Variants in DMRT3 observed in about 807,000 individuals in gnomAD.
The protein encoded by DMRT3 is doublesex- and mab-3-related transcription factor 3.
In DMRT3, 29 loss-of-function variants were observed where a neutral mutation model predicts 34.9. The ratio of observed to expected loss-of-function variants is 0.83; its 90% CI spans 0.62 to 1.13. The LOEUF is 1.13. DMRT3 is among the 50% of genes most tolerant of loss of function. The pLI, the probability that DMRT3 is intolerant of heterozygous loss-of-function variation, is 0.00. For missense variants in DMRT3, 772 were observed against 629.1 expected, an observed-to-expected ratio of 1.23 and a Z score of -2.43; for synonymous variants, 350 against 286.0, an observed-to-expected ratio of 1.22 and a Z score of -2.26.
chr9:977,099 G>T lies in DMRT3; in HGVS notation c.98G>T (p.Arg33Leu). The T allele has an allele frequency of 1.2e-6, 2 of 1,605,868 alleles. No homozygotes were observed. The highest frequency in any genetic ancestry group is 1.7e-6 in the Non-Finnish European group (2 of 1,176,762). The change falls in exon 1 of 2, where the codon CGC becomes CTC. Residue 33 changes from arginine to leucine, a missense_variant. Transcript: ENST00000190165. The stretch of plus-strand genomic sequence containing the variant: ...CGCACGCCCAAGTGCGCGCGCTGCC[G>T]CAACCATGGCGTCCTGTCCTGGCTC... ...LQRTPKCARC[R>L]NHGVLSWLKG...
chr9:979,565 G>A (rs930724318), intron 1 of DMRT3, among the ~76,000 whole-genome samples: 20 of 152,078 alleles, frequency 1.3e-4, no homozygotes, highest in African/African-American at 4.6e-4. Context: ...CACAACTTTT[G>A]TTTTCTTCTT....
intron 1 of DMRT3, among the ~76,000 whole-genome samples, chr9:987,750 C>G (rs16926998): frequency 0.28 from 42,280 of 151,844 alleles, 6,527 homozygotes; most frequent in African/African-American, 0.38. Context: ...CTGATAATTA[C>G]GCTAAAATTA....
Position 976,888 on chromosome 9 carries a change from C to A in DMRT3, c.-114C>A, listed in dbSNP as rs1349069597. 5 of 1,196,112 alleles carry A rather than the reference C, an allele frequency of 4.2e-6. No homozygotes were observed. Among genetic ancestry groups the A allele is most frequent in the Admixed American group, 7.5e-5 (2 of 26,588 alleles). The allele number at this position is 1,196,112 out of a possible 1,614,324, so 74.1% of individuals were successfully genotyped here. A position where few individuals can be genotyped will look rare whatever the true frequency, so the allele number is the denominator to read the frequency against. On this transcript the variant is annotated 5_prime_UTR_variant, in exon 1 of 2. Transcript: ENST00000190165. The surrounding 1 kb of genome is among the most constrained non-coding windows in gnomAD (Gnocchi z 4.5). ...ACACACGACCACCGGGGCTGCGGGACCAAGGGCCGCGTCGCCCGGAGGCCG... is the reference window on the plus strand; with the variant it reads ...ACACACGACCACCGGGGCTGCGGGAACAAGGGCCGCGTCGCCCGGAGGCCG...
At chr9:977,517 G>A in intron 1 of DMRT3, 62 bp downstream of exon 1, 1 of 1,219,026 alleles carries the variant, frequency 8.2e-7, no homozygotes, top group Non-Finnish European at 1.0e-6. Flanking sequence ...AGTGCCAGCT[G>A]CAGCTCCACT....
chr9:978,025 G>C (rs1021729570), intron 1 of DMRT3, among the ~76,000 whole-genome samples: 7 of 152,212 alleles, frequency 4.6e-5, no homozygotes, highest in African/African-American at 1.7e-4. Flanking sequence ...GGCCTTTCTA[G>C]CTTTGCTCCG....
At chr9:978,668 G>C (rs1414743891) in intron 1 of DMRT3, among the ~76,000 whole-genome samples, 1 of 152,198 alleles carries the variant, frequency 6.6e-6, no homozygotes, top group East Asian at 1.9e-4. Flanking sequence ...TGAGTCAACG[G>C]GTGACTGGCA....
At chr9:987,671 C>G (rs180935916) in intron 1 of DMRT3, among the ~76,000 whole-genome samples, 5 of 152,230 alleles carry the variant, frequency 3.3e-5, no homozygotes, top group Admixed American at 6.5e-5. Flanking sequence ...GTGGGTCTTA[C>G]ACTTCTTGGT....
intron 1 of DMRT3, among the ~76,000 whole-genome samples, chr9:989,262 A>G (rs555021204): frequency 5.9e-5 from 9 of 152,310 alleles, no homozygotes; most frequent in African/African-American, 2.2e-4. Context: ...TGTTTCATTG[A>G]TGGATAATAA....
At position 977,165 on chromosome 9, in the gene DMRT3, G is replaced by A. The variant is rs1331714776; in HGVS notation, c.164G>A (p.Cys55Tyr). Reference protein sequence around the residue: ...KRYCRFKDCTCEKCILIIERQ... With the variant: ...KRYCRFKDCTYEKCILIIERQ... The stretch of plus-strand genomic sequence containing the variant: ...TACTGCCGCTTCAAGGACTGCACCT[G>A]CGAGAAGTGCATCCTCATCATCGAG... The change falls in exon 1 of 2, where the codon TGC (cysteine) becomes TAC (tyrosine). Residue 55 changes from cysteine to tyrosine, a missense_variant. Transcript: ENST00000190165. 1 of 1,611,624 alleles carries A rather than the reference G, an allele frequency of 6.2e-7. No homozygotes were observed. The highest frequency in any genetic ancestry group is 1.7e-5 in the Admixed American group (1 of 59,856).
rs1284101399 is a variant in DMRT3 at position 976,933 on chromosome 9, G to A, written c.-69G>A. ...AGGCCGCCCCTGAGCGGGCCTCGCA[G>A]CCCCGCCGTCCAGCGCTCCCTGGCC... is the stretch of plus-strand genomic sequence containing the variant. On this transcript the variant is annotated 5_prime_UTR_variant, in exon 1 of 2. Coordinates refer to ENST00000190165, the MANE Select transcript of DMRT3 (RefSeq NM_021240.4). This position sits in a 1 kb window ranked among gnomAD's most constrained non-coding sequence, Gnocchi z 4.5. 3 of 1,375,028 alleles carry A rather than the reference G, an allele frequency of 2.2e-6. No homozygotes were observed. The highest frequency in any genetic ancestry group is 2.8e-6 in the Non-Finnish European group (3 of 1,061,410). The allele number at this position is 1,375,028 out of a possible 1,614,324, so 85.2% of individuals were successfully genotyped here.
In DMRT3 at chr9:990,416, A is replaced by G. The variant is rs756952496; in HGVS notation, c.830A>G (p.Asp277Gly). The part of the protein sequence containing the change: ...LELILKGCGG[D>G]LVSAVEVLLS... ...CTCATCCTCAAGGGCTGTGGCGGGG[A>G]CCTGGTGAGCGCCGTGGAAGTCCTT... Residue 277 changes from aspartate (D) to glycine (G), a missense_variant, in exon 2 of 2, where the codon GAC (aspartate) becomes GGC (glycine). Asp to Gly is a moderately conservative substitution (Grantham distance 94). Transcript: ENST00000190165. The G allele has an allele frequency of 6.2e-7, 1 of 1,613,904 alleles. No individual in the cohort carries two copies. Among genetic ancestry groups the G allele is most frequent in the Non-Finnish European group, 8.5e-7 (1 of 1,179,974 alleles).
chr9:984,705 C>T (rs1233168927), intron 1 of DMRT3, among the ~76,000 whole-genome samples: 1 of 152,164 alleles, frequency 6.6e-6, no homozygotes, highest in African/African-American at 2.4e-5. Flanking sequence ...GATCCACCTG[C>T]CTCGGCCTCC....
In DMRT3 at chr9:990,426, C is replaced by T. The variant is rs377285610; in HGVS notation, c.840C>T (p.Ser280=). Residue 280 remains serine, a synonymous_variant, in exon 2 of 2, where the codon AGC becomes AGT. Coordinates refer to ENST00000190165, the MANE Select transcript of DMRT3 (RefSeq NM_021240.4). The stretch of plus-strand genomic sequence containing the variant: ...AGGGCTGTGGCGGGGACCTGGTGAG[C>T]GCCGTGGAAGTCCTTCTGTCCAGCC... ...ILKGCGGDLV[S]AVEVLLSSRS... is the part of the protein sequence containing the mutation. 2.2e-5 allele frequency: 35 copies of T among 1,613,938 alleles called. No individual in the cohort carries two copies. Among genetic ancestry groups the T allele is most frequent in the African/African-American group, 1.3e-4 (10 of 74,896 alleles).
chr9:978,577 G>A (rs1157655677), intron 1 of DMRT3, among the ~76,000 whole-genome samples: 4 of 152,236 alleles, frequency 2.6e-5, no homozygotes, highest in Admixed American at 2.6e-4. Flanking sequence ...TAGCTTCGGA[G>A]AAAGGCTTTC....
At position 977,473 on chromosome 9, in the gene DMRT3, G is replaced by T; in HGVS notation, c.454+18G>T. On this transcript the variant is annotated intron_variant, in intron 1 of 1. Coordinates refer to ENST00000190165, the MANE Select transcript of DMRT3 (RefSeq NM_021240.4). ...CAAGCCAGGTAAGAGCGTCTGAGGT[G>T]CGGGAGTTTGGCCGGGCGCGGGGGC... 1.6e-6 allele frequency: 2 copies of T among 1,277,932 alleles called. No homozygotes were observed. The highest frequency in any genetic ancestry group is 2.0e-6 in the Non-Finnish European group (2 of 1,011,516). 79.2% of individuals were successfully genotyped at this position (1,277,932 alleles called of 1,614,324 possible).
rs766173429 is a variant in DMRT3 at position 976,994 on chromosome 9, C to G, written c.-8C>G. ...GCCAGGCTGCCAACTCATTCGGGAG[C>G]CCGGGGCATGAACGGCTACGGCTCC... is the stretch of plus-strand genomic sequence containing the variant. On this transcript the variant is annotated 5_prime_UTR_variant, in exon 1 of 2. Transcript: ENST00000190165. This position sits in a 1 kb window ranked among gnomAD's most constrained non-coding sequence, Gnocchi z 4.5. 5 of 1,481,068 alleles carry G rather than the reference C, an allele frequency of 3.4e-6. No homozygotes were observed. Among genetic ancestry groups the G allele is most frequent in the East Asian group, 2.6e-5 (1 of 39,122 alleles). 91.7% of individuals were successfully genotyped at this position (1,481,068 alleles called of 1,614,324 possible).
intron 1 of DMRT3, among the ~76,000 whole-genome samples, chr9:983,669 A>G (rs1820248700): frequency 6.6e-6 from 1 of 152,204 alleles, no homozygotes; most frequent in Non-Finnish European, 1.5e-5. Flanking sequence ...AAACATGTAG[A>G]TTTGTAGGTA....
At position 991,245 on chromosome 9, in the gene DMRT3, A is replaced by G. The variant is rs577525761; in HGVS notation, c.*240A>G. ...GAATGTTTATTGTAAAAGAGAGTCT[A>G]ATGTTAAGAATAGTCTTGGGAAGGC... On this transcript the variant is annotated 3_prime_UTR_variant, in exon 2 of 2. Coordinates refer to ENST00000190165, the MANE Select transcript of DMRT3 (RefSeq NM_021240.4). The G allele has an allele frequency of 3.7e-5, 16 of 432,140 alleles. No individual in the cohort carries two copies. Among genetic ancestry groups the G allele is most frequent in the African/African-American group, 3.2e-4 (16 of 50,146 alleles). 26.8% of individuals were successfully genotyped at this position (432,140 alleles called of 1,614,324 possible). A position where few individuals can be genotyped will look rare whatever the true frequency, so the allele number is the denominator to read the frequency against.
In DMRT3 at chr9:977,306, ACGCCGTCGCCGCCC is replaced by A; in HGVS notation, c.309_322del (p.Val104AlafsTer47). The A allele has an allele frequency of 7.4e-7, 1 of 1,343,748 alleles. No homozygotes were observed. Among genetic ancestry groups the A allele is most frequent in the Non-Finnish European group, 9.6e-7 (1 of 1,044,302 alleles). 83.2% of individuals were successfully genotyped at this position (1,343,748 alleles called of 1,614,324 possible). On this transcript the variant is annotated frameshift_variant, in exon 1 of 2. Coordinates refer to ENST00000190165, the MANE Select transcript of DMRT3 (RefSeq NM_021240.4). LOFTEE classifies it high-confidence loss of function. ...CTGCCAGGGCCCCCGCCGCCGGGGG[ACGCCGTCGCCGCCC>A]CGCAGCCGCCGCCAGCCTCTCAGCC...
Sources: allele counts gnomAD v4.1 joint callset (sites outside exome capture counted in the v4.1 genomes callset), GRCh38; gene constraint gnomAD v4.1.1; non-coding constraint Gnocchi (gnomAD v3.1); transcripts MANE v1.5; gene names NCBI Gene and HGNC (gene_info 2026-07-23, HGNC 2026-07-21).